The following PPP2R2B variants were observed in gnomAD, a reference collection of about 807,000 sequenced individuals.
PPP2R2B encodes the protein serine/threonine-protein phosphatase 2A 55 kDa regulatory subunit B beta isoform.
In PPP2R2B, 5 loss-of-function variants were observed where a neutral mutation model predicts 46.0. The observed-to-expected ratio is 0.11, with a 90% CI of 0.06 to 0.23. The LOEUF (loss-of-function observed/expected upper bound fraction) is 0.23. Among genes scored for constraint, PPP2R2B ranks in the 10% least tolerant of loss-of-function variants. The pLI is 1.00. For synonymous variants in PPP2R2B, 215 were observed against 206.7 expected (o/e 1.04, Z -0.34); for missense variants, 367 against 575.0 (o/e 0.64, Z 3.70).
At chr5:146,917,403 C>T (rs1436426594) in intron 1 of PPP2R2B, among the ~76,000 whole-genome samples, 3 of 152,192 alleles carry the variant, frequency 2.0e-5, no homozygotes, top group African/African-American at 4.8e-5. Context: ...TGTCACCAAG[C>T]GCCTACCTCA....
At chr5:146,770,117 T>C (rs1442370231) in intron 2 of PPP2R2B, among the ~76,000 whole-genome samples, 1 of 151,716 alleles carries the variant, frequency 6.6e-6, no homozygotes, top group African/African-American at 2.4e-5. Context: ...TCACTTGAGG[T>C]CAGCAGTTCG....
chr5:146,587,467 C>A lies in PPP2R2B; in HGVS notation c.*2480G>T, dbSNP rs944660565. ...ACATCTATATGCTAAGGGTGTTGGACTAGTGTAGGGGCTTTTATTTGGAGT... is the reference window on the plus strand; with the variant it reads ...ACATCTATATGCTAAGGGTGTTGGAATAGTGTAGGGGCTTTTATTTGGAGT... On this transcript the variant is annotated 3_prime_UTR_variant, in exon 10 of 10. Transcript: ENST00000394411. The A allele has an allele frequency of 1.3e-5, 2 of 152,214 alleles. No homozygotes were observed. Among genetic ancestry groups the A allele is most frequent in the African/African-American group, 4.8e-5 (2 of 41,448 alleles). 9.4% of individuals were successfully genotyped at this position (152,214 alleles called of 1,614,324 possible). A position where few individuals can be genotyped will look rare whatever the true frequency, so the allele number is the denominator to read the frequency against.
chr5:146,718,902 A>G (rs1028908586), intron 2 of PPP2R2B, among the ~76,000 whole-genome samples: 1 of 152,224 alleles, frequency 6.6e-6, no homozygotes, highest in African/African-American at 2.4e-5. Context: ...GCCTGGAATT[A>G]GCAAAGTGAT....
At chr5:146,644,766 A>C (rs1259954196) in intron 6 of PPP2R2B, among the ~76,000 whole-genome samples, 1 of 152,220 alleles carries the variant, frequency 6.6e-6, no homozygotes, top group African/African-American at 2.4e-5. Context: ...TTATTAAACA[A>C]GATAATGGAA....
At chr5:147,048,371 C>T (rs769290293) in intron 1 of PPP2R2B, among the ~76,000 whole-genome samples, 1 of 152,058 alleles carries the variant, frequency 6.6e-6, no homozygotes, top group Admixed American at 6.6e-5. Flanking sequence ...GTCTTATCTG[C>T]TCACCTGTAA....
At chr5:146,778,584 A>G (rs1222459035) in intron 2 of PPP2R2B, among the ~76,000 whole-genome samples, 1 of 152,176 alleles carries the variant, frequency 6.6e-6, no homozygotes, top group Non-Finnish European at 1.5e-5. Flanking sequence ...GTGCCACAGT[A>G]CCATCTTTCA....
chr5:146,883,660 A>C (rs915940477), upstream of PPP2R2B, among the ~76,000 whole-genome samples: 1 of 151,916 alleles, frequency 6.6e-6, no homozygotes, highest in Admixed American at 6.6e-5. Context: ...CAATTGCACA[A>C]CTCTCTCTCT....
In PPP2R2B at chr5:146,600,345, C is replaced by T. The variant is rs111346525; in HGVS notation, c.906G>A (p.Leu302=). 232 of 1,613,906 alleles carry T rather than the reference C, an allele frequency of 1.4e-4. No individual in the cohort carries two copies. In the African/African-American group the frequency reaches 2.2e-3, roughly 15 times the overall value. ...TGTTGAGATCCCAGACTTTGACGGT[C>T]AAGTAGTCCCTGGTCATGATATACC... The part of the protein sequence containing the change: ...SGRYIMTRDY[L]TVKVWDLNME... Residue 302 remains leucine, a synonymous_variant, in exon 8 of 10, where the codon TTG becomes TTA. Coordinates refer to ENST00000394411, the MANE Select transcript of PPP2R2B (RefSeq NM_181675.4).
At chr5:146,996,104 G>T (rs901001290) in intron 1 of PPP2R2B, among the ~76,000 whole-genome samples, 1 of 152,168 alleles carries the variant, frequency 6.6e-6, no homozygotes, top group Non-Finnish European at 1.5e-5. Context: ...AGGACAGTAG[G>T]ATGTGTGTAC....
At chr5:146,665,289 C>A (rs910139699) in intron 5 of PPP2R2B, among the ~76,000 whole-genome samples, 2 of 152,204 alleles carry the variant, frequency 1.3e-5, no homozygotes, top group African/African-American at 4.8e-5. Flanking sequence ...GCCACCGCCA[C>A]CCATGATCTT....
intron 1 of PPP2R2B, among the ~76,000 whole-genome samples, chr5:146,984,628 T>C (rs1753337468): frequency 6.6e-6 from 1 of 152,198 alleles, no homozygotes; most frequent in African/African-American, 2.4e-5. Flanking sequence ...CATATGGTAG[T>C]TCTGTTTTTA....
rs193193052 is a variant in PPP2R2B at position 146,788,821 on chromosome 5, A to G, written c.71-87679T>C. On this transcript the variant is annotated intron_variant, in intron 2 of 9. Transcript: ENST00000394411. Reference sequence around the variant, plus strand: ...TTAAACACTCTGCAACAACAGAAACAAAACTCTCTGCCTTGGGGTTTTGAC... The same window carrying G: ...TTAAACACTCTGCAACAACAGAAACGAAACTCTCTGCCTTGGGGTTTTGAC... Among the ~76,000 whole-genome samples the G allele has an allele frequency of 7.2e-5, 11 of 152,318 alleles. No individual in the cohort carries two copies. In the East Asian group the frequency reaches 2.1e-3, roughly 29 times the overall value.
intron 2 of PPP2R2B, chr5:146,856,382 TA>T (rs1760666845): frequency 1.3e-6 from 1 of 755,364 alleles, no homozygotes; most frequent in Non-Finnish European, 2.2e-6. Context: ...TGGAACTATT[TA>T]AAAAATGTAA....
chr5:146,855,061 T>G (rs1389838060), intron 2 of PPP2R2B, among the ~76,000 whole-genome samples: 1 of 152,082 alleles, frequency 6.6e-6, no homozygotes, highest in Non-Finnish European at 1.5e-5. Context: ...TCAAAGCTAT[T>G]CAGTTTCATC....
intron 1 of PPP2R2B, among the ~76,000 whole-genome samples, chr5:147,012,172 C>A (rs1360091758): frequency 6.6e-6 from 1 of 151,628 alleles, no homozygotes; most frequent in African/African-American, 2.4e-5. Context: ...CCTCCTTGTA[C>A]CTCTGGTAGA....
intron 2 of PPP2R2B, among the ~76,000 whole-genome samples, chr5:146,842,624 T>C (rs1410815593): frequency 1.3e-5 from 2 of 152,064 alleles, no homozygotes; most frequent in African/African-American, 4.8e-5. Flanking sequence ...TCATTATTTT[T>C]CCTGGTCATC....
upstream of PPP2R2B, among the ~76,000 whole-genome samples, chr5:146,881,806 T>A (rs1193436503): frequency 6.6e-6 from 1 of 152,264 alleles, no homozygotes. Context: ...AATAAATTGC[T>A]GAATATCTTA....
intron 1 of PPP2R2B, among the ~76,000 whole-genome samples, chr5:146,894,606 A>C (rs1762588763): frequency 6.6e-6 from 1 of 151,972 alleles, no homozygotes; most frequent in Admixed American, 6.6e-5. Context: ...CACCCAGCTA[A>C]TTTTTGTGTT....
At chr5:146,774,635 G>A (rs891823461) in intron 2 of PPP2R2B, among the ~76,000 whole-genome samples, 1 of 152,066 alleles carries the variant, frequency 6.6e-6, no homozygotes, top group South Asian at 2.1e-4. Flanking sequence ...TGGCCAACAC[G>A]GCAAAACCCC....
Sources: allele counts gnomAD v4.1 joint callset (sites outside exome capture counted in the v4.1 genomes callset), GRCh38; gene constraint gnomAD v4.1.1; transcripts MANE v1.5; gene names NCBI Gene and HGNC (gene_info 2026-07-23, HGNC 2026-07-21).